TAF13: variants seen among roughly 807,000 people sequenced by gnomAD.
The protein encoded by TAF13 is TATA-box binding protein associated factor 13, also known as transcription initiation factor TFIID subunit 13.
A neutral mutation model predicts 18.7 loss-of-function variants in TAF13; 9 were observed. The ratio of observed to expected loss-of-function variants is 0.48; its 90% confidence interval spans 0.29 to 0.84. TAF13 has a LOEUF of 0.84. Among genes scored for constraint, TAF13 ranks in the 40% least tolerant of loss-of-function variants. The pLI is 0.08. For synonymous variants in TAF13, 49 were observed against 44.1 expected, an observed-to-expected ratio of 1.11 and a Z score of -0.44; for missense variants, 105 against 146.5, an observed-to-expected ratio of 0.72 and a Z score of 1.46.
At chr1:109,073,576 C>T (rs1033529828) in intron 2 of TAF13, among the ~76,000 whole-genome samples, 12 of 150,288 alleles carry the variant, frequency 8.0e-5, no homozygotes, top group Non-Finnish European at 7.4e-5. Context: ...CCGTGTTGGC[C>T]GGGCTGGTCT....
chr1:109,071,605 C>T (rs1664053882), intron 2 of TAF13, among the ~76,000 whole-genome samples: 1 of 151,314 alleles, frequency 6.6e-6, no homozygotes, highest in African/African-American at 2.4e-5. Flanking sequence ...AGAGTGAGAC[C>T]CTGTCTCTAA....
chr1:109,075,335 A>T (rs980434197), intron 1 of TAF13, among the ~76,000 whole-genome samples: 14 of 152,182 alleles, frequency 9.2e-5, no homozygotes, highest in African/African-American at 3.4e-4. Flanking sequence ...TTATTTTTAA[A>T]CAACTAAGGT....
In TAF13 at chr1:109,075,952, C is replaced by G. The variant is rs765534111; in HGVS notation, c.-5G>C. ...GTCTTCTTCCTCATCTGCCATCCCACTAGCACGCCAACTCACAGCGTCCTG... is the reference window on the plus strand; with the variant it reads ...GTCTTCTTCCTCATCTGCCATCCCAGTAGCACGCCAACTCACAGCGTCCTG... On this transcript the variant is annotated 5_prime_UTR_variant, in exon 1 of 4. Transcript: ENST00000338366. 2.5e-6 allele frequency: 4 copies of G among 1,614,234 alleles called. No individual in the cohort carries two copies. Among genetic ancestry groups the G allele is most frequent in the Non-Finnish European group, 3.4e-6 (4 of 1,180,044 alleles).
chr1:109,066,748 GCT>G (rs572715952), intron 2 of TAF13, among the ~76,000 whole-genome samples: 16 of 152,122 alleles, frequency 1.1e-4, no homozygotes, highest in Admixed American at 9.8e-4. Context: ...ACAGAGTCTC[GCT>G]CTGTCGCCCA....
intron 2 of TAF13, among the ~76,000 whole-genome samples, chr1:109,069,218 T>TGC (rs1294725542): frequency 4.0e-5 from 6 of 150,992 alleles, no homozygotes; most frequent in African/African-American, 1.5e-4. Flanking sequence ...TGTGTGTGTG[T>TGC]GTGCGCACAT....
chr1:109,064,502 T>C lies in TAF13; in HGVS notation c.*21A>G, dbSNP rs1473336242. 2.8e-6 allele frequency: 4 copies of C among 1,411,746 alleles called. No homozygotes were observed. Among genetic ancestry groups the C allele is most frequent in the Non-Finnish European group, 3.7e-6 (4 of 1,074,124 alleles). The allele number at this position is 1,411,746 out of a possible 1,614,324, so 87.5% of individuals were successfully genotyped here. Reference sequence around the variant, plus strand: ...ATATATGGTTTCCCCAGATGGTAATTTTCGGAAACTACAAAAAGTGTCAAG... The same window carrying C: ...ATATATGGTTTCCCCAGATGGTAATCTTCGGAAACTACAAAAAGTGTCAAG... On this transcript the variant is annotated 3_prime_UTR_variant, in exon 4 of 4. Coordinates refer to ENST00000338366, the MANE Select transcript of TAF13 (RefSeq NM_005645.4).
At chr1:109,073,618 C>T (rs987513004) in intron 2 of TAF13, among the ~76,000 whole-genome samples, 8 of 152,306 alleles carry the variant, frequency 5.3e-5, no homozygotes, top group South Asian at 4.1e-4. Flanking sequence ...CTGCCCGCCT[C>T]GGCCTCCCGA....
chr1:109,065,974 C>T (rs935857979), intron 3 of TAF13, among the ~76,000 whole-genome samples, 161 bp downstream of exon 3: 3 of 150,892 alleles, frequency 2.0e-5, no homozygotes, highest in African/African-American at 7.3e-5. Context: ...ACATGTATAA[C>T]CTCCATCCTC....
At chr1:109,073,710 C>G (rs538112031) in intron 2 of TAF13, among the ~76,000 whole-genome samples, 72 of 152,278 alleles carry the variant, frequency 4.7e-4, no homozygotes, top group Non-Finnish European at 2.9e-5. Context: ...GATCTCGGCT[C>G]GCTACAACCT....
chr1:109,073,989 C>A (rs1176084161), intron 2 of TAF13, among the ~76,000 whole-genome samples: 2 of 151,888 alleles, frequency 1.3e-5, no homozygotes, highest in East Asian at 1.9e-4. Context: ...ACGACCCCGT[C>A]TGGGAACTGA....
At position 109,064,681 on chromosome 1, in the gene TAF13, T is replaced by G. The variant is rs775584732; in HGVS notation, c.217A>C (p.Met73Leu). The change falls in exon 4 of 4, where the codon ATG (methionine) becomes CTG (leucine). Residue 73 changes from methionine to leucine, a missense_variant. Coordinates refer to ENST00000338366, the MANE Select transcript of TAF13 (RefSeq NM_005645.4). Reference protein sequence around the residue: ...EFITEMTHKAMSIGRQGRVQV... With the variant: ...EFITEMTHKALSIGRQGRVQV... ...ACTCGACCTTGTCTTCCAATTGACATTGCCTTGTGAGTCTATTACAAAGAA... is the reference window on the plus strand; with the variant it reads ...ACTCGACCTTGTCTTCCAATTGACAGTGCCTTGTGAGTCTATTACAAAGAA... 3 of 1,516,972 alleles carry G rather than the reference T, an allele frequency of 2.0e-6. No individual in the cohort carries two copies. Among genetic ancestry groups the G allele is most frequent in the Non-Finnish European group, 2.6e-6 (3 of 1,133,968 alleles). 94.0% of individuals were successfully genotyped at this position (1,516,972 alleles called of 1,614,324 possible).
chr1:109,073,410 C>CTCGTCTGCG (rs1553243557), intron 2 of TAF13, among the ~76,000 whole-genome samples: 21 of 152,142 alleles, frequency 1.4e-4, no homozygotes, highest in African/African-American at 5.1e-4. Context: ...CCCCCTCCCC[C>CTCGTCTGCG]TCGTCTGCGT....
intron 2 of TAF13, among the ~76,000 whole-genome samples, chr1:109,074,101 G>A (rs1216599486): frequency 2.6e-5 from 4 of 152,240 alleles, no homozygotes. Context: ...TTGAGAACGG[G>A]CCATGATGAC....
chr1:109,066,518 C>T (rs1663953572), intron 2 of TAF13, among the ~76,000 whole-genome samples: 1 of 152,116 alleles, frequency 6.6e-6, no homozygotes, highest in Admixed American at 6.6e-5. Context: ...CTTACCAGTC[C>T]CTGCCCCCAG....
At chr1:109,067,652 A>G (rs557646351) in intron 2 of TAF13, among the ~76,000 whole-genome samples, 25 of 152,150 alleles carry the variant, frequency 1.6e-4, no homozygotes, top group Non-Finnish European at 2.5e-4. Context: ...CTCAAAAATA[A>G]TAAGAGAGAA....
rs1275158757 is a variant in TAF13, at chr1:109,075,917, T to G, written c.27+4A>C. On this transcript the variant is annotated splice_donor_region_variant and intron_variant, in intron 1 of 3. Transcript: ENST00000338366. The stretch of plus-strand genomic sequence containing the variant: ...ACAGGTTTTGGACAGAGACGGTCAC[T>G]CACCGTGGGGTCTTCTTCCTCATCT... 6.2e-7 allele frequency: 1 copy of G among 1,614,242 alleles called. No homozygotes were observed. The highest frequency in any genetic ancestry group is 8.5e-7 in the Non-Finnish European group (1 of 1,180,040).
At chr1:109,075,136 T>G in intron 1 of TAF13, 71 bp from the exon 2 acceptor site, 1 of 1,363,634 alleles carries the variant, frequency 7.3e-7, no homozygotes, top group South Asian at 1.3e-5. Context: ...TAATGACATT[T>G]TTTTTTCCTT....
chr1:109,068,506 T>C (rs1383133589), intron 2 of TAF13, among the ~76,000 whole-genome samples: 1 of 152,054 alleles, frequency 6.6e-6, no homozygotes, highest in East Asian at 1.9e-4. Context: ...GGTTTCTAAC[T>C]ATTTATTTAT....
intron 2 of TAF13, among the ~76,000 whole-genome samples, chr1:109,072,909 T>C (rs1664100790): frequency 6.6e-6 from 1 of 151,844 alleles, no homozygotes; most frequent in Admixed American, 6.6e-5. Flanking sequence ...ATTTTTGTAT[T>C]TTTAGTAGAG....
Sources: allele counts gnomAD v4.1 joint callset (sites outside exome capture counted in the v4.1 genomes callset), GRCh38; gene constraint gnomAD v4.1.1; transcripts MANE v1.5; gene names NCBI Gene and HGNC (gene_info 2026-07-23, HGNC 2026-07-21).